PPIG: variants seen among roughly 807,000 people sequenced by gnomAD.
PPIG encodes the protein peptidylprolyl isomerase G.
A neutral mutation model predicts 87.9 loss-of-function variants in PPIG; 26 were observed. That is an observed-to-expected ratio of 0.30 (90% CI 0.22 to 0.41). The LOEUF is 0.41. PPIG is among the 10% of genes least tolerant of loss of function. The probability of loss-of-function intolerance (pLI) is 1.00; values close to 1 mark genes in which losing one functional copy is unlikely to be tolerated. For missense variants in PPIG, 722 were observed against 879.4 expected (o/e 0.82, Z 2.26); for synonymous variants, 308 against 276.5 (o/e 1.11, Z -1.13).
At chr2:169,588,427 G>A (rs1350982895) in intron 1 of PPIG, among the ~76,000 whole-genome samples, 1 of 152,098 alleles carries the variant, frequency 6.6e-6, no homozygotes, top group Non-Finnish European at 1.5e-5. Context: ...TTCCATTTGT[G>A]AGCTTGAGCC....
At position 169,604,169 on chromosome 2, in the gene PPIG, A is replaced by G; in HGVS notation, c.62-18A>G. ...TTTAAATTAGTAAAGAAGTTTAACC[A>G]ACTACCTTCTTTTTCAGCTGGAAGA... On this transcript the variant is annotated intron_variant, in intron 3 of 13. Transcript: ENST00000260970. The G allele has an allele frequency of 1.9e-6, 3 of 1,611,140 alleles. No homozygotes were observed. The highest frequency in any genetic ancestry group is 1.1e-5 in the South Asian group (1 of 91,018).
chr2:169,613,931 C>CA (rs1685551786), intron 7 of PPIG, among the ~76,000 whole-genome samples: 1 of 151,852 alleles, frequency 6.6e-6, no homozygotes, highest in Non-Finnish European at 1.5e-5. Context: ...GTCTCCAAAT[C>CA]AAAAAAATAA....
intron 9 of PPIG, among the ~76,000 whole-genome samples, chr2:169,628,444 G>GTGAGGA (rs1012993038): frequency 2.0e-5 from 3 of 152,186 alleles, no homozygotes; most frequent in Non-Finnish European, 4.4e-5. Context: ...CCTTGGTCAA[G>GTGAGGA]TACAAGTAAC....
At chr2:169,613,767 AAT>A (rs1322646844) in intron 7 of PPIG, among the ~76,000 whole-genome samples, 1 of 152,148 alleles carries the variant, frequency 6.6e-6, no homozygotes, top group Non-Finnish European at 1.5e-5. Flanking sequence ...CTCTACAAAA[AAT>A]ACAAAAATTA....
intron 6 of PPIG, 92 bp downstream of exon 6, chr2:169,607,240 G>GAT (rs1214997523): frequency 9.8e-6 from 8 of 819,146 alleles, no homozygotes; most frequent in Non-Finnish European, 9.5e-6. Flanking sequence ...TTCATTAAAG[G>GAT]GTATACTAAT....
At chr2:169,601,534 T>C (rs1685184279) in intron 1 of PPIG, among the ~76,000 whole-genome samples, 1 of 152,256 alleles carries the variant, frequency 6.6e-6, no homozygotes, top group African/African-American at 2.4e-5. Context: ...AGACTAGGAA[T>C]GGGCCTCTAT....
Position 169,636,765 on chromosome 2 carries a change from C to G in PPIG, c.1507C>G (p.Gln503Glu). The G allele has an allele frequency of 1.2e-5, 19 of 1,611,850 alleles. No individual in the cohort carries two copies. Among genetic ancestry groups the G allele is most frequent in the Non-Finnish European group, 1.6e-5 (19 of 1,179,614 alleles). ...DHENVKEKEK[Q>E]SDSKGKDQER... The stretch of plus-strand genomic sequence containing the variant: ...TGAAAATGTTAAAGAAAAAGAAAAG[C>G]AGTCTGATTCTAAAGGAAAAGATCA... The change falls in exon 14 of 14, where the codon CAG becomes GAG. Residue 503 changes from glutamine (Q) to glutamate (E), a missense_variant. Around this residue, in one of 4 missense-constraint regions of PPIG, gnomAD observed 476 missense variants for 483.1 expected, o/e 0.99. Coordinates refer to ENST00000260970, the MANE Select transcript of PPIG (RefSeq NM_004792.3).
At chr2:169,593,552 T>C (rs1225580079) in intron 1 of PPIG, among the ~76,000 whole-genome samples, 3 of 152,174 alleles carry the variant, frequency 2.0e-5, no homozygotes, top group Non-Finnish European at 4.4e-5. Flanking sequence ...ATTTATTTCC[T>C]TTCACTCTTT....
intron 12 of PPIG, among the ~76,000 whole-genome samples, chr2:169,633,841 T>C (rs1222933825): frequency 1.3e-5 from 2 of 151,982 alleles, no homozygotes; most frequent in Non-Finnish European, 2.9e-5. Context: ...CCCCCCTTTT[T>C]TTTTTTTGAG....
At chr2:169,594,625 C>CT (rs61375406) in intron 1 of PPIG, among the ~76,000 whole-genome samples, 7,878 of 114,124 alleles carry the variant, frequency 0.069, 367 homozygotes, top group African/African-American at 0.094. Context: ...TCTTTCTTTT[C>CT]TTTTTTTTTT....
chr2:169,634,213 A>G (rs1574466082), intron 12 of PPIG, among the ~76,000 whole-genome samples: 1 of 151,964 alleles, frequency 6.6e-6, no homozygotes, highest in African/African-American at 2.4e-5. Context: ...GGTGTGCATC[A>G]CCACATCTGG....
At chr2:169,585,939 C>T (rs986152310) in intron 1 of PPIG, among the ~76,000 whole-genome samples, 4 of 151,808 alleles carry the variant, frequency 2.6e-5, no homozygotes, top group African/African-American at 7.3e-5. Context: ...GTAACAATGA[C>T]GGGTGGGGGG....
chr2:169,605,136 C>G (rs1280625682), intron 4 of PPIG, among the ~76,000 whole-genome samples: 2 of 152,098 alleles, frequency 1.3e-5, no homozygotes, highest in Non-Finnish European at 2.9e-5. Context: ...GAGCTTGAGA[C>G]CAGCCTGGCA....
In PPIG at chr2:169,636,961, G is replaced by A. The variant is rs541667736; in HGVS notation, c.1703G>A (p.Ser568Asn). Reference protein sequence around the residue: ...YNSRTRERSRSRDRSRRVRSR... With the variant: ...YNSRTRERSRNRDRSRRVRSR... ...AGCAGAACAAGAGAACGAAGCAGAA[G>A]TAGGGACAGAAGCAGAAGAGTGCGA... Residue 568 changes from serine to asparagine, a missense_variant, in exon 14 of 14, where the codon AGT becomes AAT. Physicochemically the swap from Ser to Asn is conservative, Grantham distance 46 (BLOSUM62 1). Coordinates refer to ENST00000260970, the MANE Select transcript of PPIG (RefSeq NM_004792.3). The A allele has an allele frequency of 1.2e-6, 2 of 1,613,986 alleles. No individual in the cohort carries two copies. Among genetic ancestry groups the A allele is most frequent in the South Asian group, 1.1e-5 (1 of 91,078 alleles).
chr2:169,617,034 T>C (rs935043965), intron 9 of PPIG, among the ~76,000 whole-genome samples: 9 of 152,226 alleles, frequency 5.9e-5, no homozygotes, highest in African/African-American at 2.2e-4. Context: ...GTGTTAATTT[T>C]TGTATAAGGT....
rs1194348178 is a variant in PPIG at position 169,638,940 on chromosome 2, G to A, written c.*1417G>A. 6.6e-6 allele frequency: 1 copy of A among 151,978 alleles called. No individual in the cohort carries two copies. Among genetic ancestry groups the A allele is most frequent in the East Asian group, 1.9e-4 (1 of 5,192 alleles). The allele number at this position is 151,978 out of a possible 1,614,324, so 9.4% of individuals were successfully genotyped here. ...GAGTTTTGTACTTTAATATTTGTCAGTGTAGTGTCAACTCTGTTACCAAGG... is the reference window on the plus strand; with the variant it reads ...GAGTTTTGTACTTTAATATTTGTCAATGTAGTGTCAACTCTGTTACCAAGG... On this transcript the variant is annotated 3_prime_UTR_variant, in exon 14 of 14. Coordinates refer to ENST00000260970, the MANE Select transcript of PPIG (RefSeq NM_004792.3).
intron 1 of PPIG, among the ~76,000 whole-genome samples, chr2:169,595,571 A>G (rs1200590102): frequency 6.6e-6 from 1 of 152,054 alleles, no homozygotes; most frequent in African/African-American, 2.4e-5. Context: ...TACCCTCTCA[A>G]GTGTCTAGTA....
chr2:169,628,412 G>GTC (rs1212740205), intron 9 of PPIG, among the ~76,000 whole-genome samples: 1 of 152,200 alleles, frequency 6.6e-6, no homozygotes. Flanking sequence ...TGGAAAAGCA[G>GTC]TCTGCACAGT....
intron 1 of PPIG, among the ~76,000 whole-genome samples, chr2:169,586,383 C>T (rs1684706300): frequency 6.6e-6 from 1 of 152,156 alleles, no homozygotes; most frequent in African/African-American, 2.4e-5. Flanking sequence ...AGTTTCTTCA[C>T]CTACCTGCAA....
Sources: gnomAD v4.1 joint callset for allele counts (sites outside exome capture counted in the v4.1 genomes callset) on GRCh38, gnomAD v4.1.1 for gene constraint, gnomAD v4.1.1 regional missense constraint, MANE v1.5 for transcripts, NCBI Gene and HGNC (gene_info 2026-07-23, HGNC 2026-07-21) for gene names.